Variants in CEP350 observed in about 807,000 individuals in gnomAD.
The protein encoded by CEP350 is centrosome-associated protein 350.
CEP350 carries 126 observed loss-of-function variants against 331.8 expected under a neutral mutation model. That is an observed-to-expected ratio of 0.38 (90% confidence interval 0.33 to 0.44). The LOEUF (loss-of-function observed/expected upper bound fraction) is 0.44, where lower values mean the gene tolerates loss of function less well. CEP350 is among the 20% of genes least tolerant of loss of function. The pLI, the probability that CEP350 is intolerant of heterozygous loss-of-function variation, is 1.00. For missense variants in CEP350, 3,406 were observed against 3,634.6 expected, an observed-to-expected ratio of 0.94 and a Z score of 1.62; for synonymous variants, 1,200 against 1,259.5, an observed-to-expected ratio of 0.95 and a Z score of 1.00.
chr1:180,066,577 A>C (rs974995893), intron 27 of CEP350, among the ~76,000 whole-genome samples: 21 of 152,224 alleles, frequency 1.4e-4, no homozygotes, highest in African/African-American at 5.1e-4. Flanking sequence ...TTCATAACTT[A>C]AAAATACCTA....
Position 180,094,117 on chromosome 1 carries a change from C to G in CEP350, c.8012C>G (p.Ser2671Cys), listed in dbSNP as rs1660346721. 1.9e-6 allele frequency: 3 copies of G among 1,613,730 alleles called. No homozygotes were observed. Among genetic ancestry groups the G allele is most frequent in the African/African-American group, 1.3e-5 (1 of 74,930 alleles). ...TCAAAGGAAAACAAAGACCTCATTTCTGATGCCACAGAAAAGGTTTCCATC... is the reference window on the plus strand; with the variant it reads ...TCAAAGGAAAACAAAGACCTCATTTGTGATGCCACAGAAAAGGTTTCCATC... ...ISSKENKDLI[S>C]DATEKVSIAA... Residue 2671 changes from serine (S) to cysteine (C), a missense_variant, in exon 34 of 38, where the codon TCT (serine) becomes TGT (cysteine). Physicochemically the swap from Ser to Cys is moderately radical, Grantham distance 112. This residue lies in a region of CEP350 where 1,415 missense variants were observed against 1,512.3 expected (regional missense o/e 0.94). Transcript: ENST00000367607.
At chr1:180,058,341 T>C (rs1657983204) in intron 25 of CEP350, among the ~76,000 whole-genome samples, 1 of 152,218 alleles carries the variant, frequency 6.6e-6, no homozygotes, top group African/African-American at 2.4e-5. Flanking sequence ...CACATGTAGC[T>C]AGAAGCTGTC....
intron 37 of CEP350, among the ~76,000 whole-genome samples, chr1:180,102,186 A>G (rs951921964): frequency 7.0e-6 from 1 of 143,682 alleles, no homozygotes; most frequent in Non-Finnish European, 1.5e-5. Flanking sequence ...CCCAGGCTGG[A>G]GTGCAGTGGC....
intron 1 of CEP350, among the ~76,000 whole-genome samples, chr1:179,984,541 G>A (rs572843181): frequency 9.5e-4 from 145 of 152,304 alleles, no homozygotes; most frequent in African/African-American, 3.4e-3. Flanking sequence ...AGAGAGATGA[G>A]AATGCGTTTT....
chr1:180,002,290 A>G (rs1472911902), intron 6 of CEP350, among the ~76,000 whole-genome samples: 1 of 152,174 alleles, frequency 6.6e-6, no homozygotes, highest in Non-Finnish European at 1.5e-5. Flanking sequence ...CCTGGCCAAC[A>G]TGGTGAAACT....
Position 180,094,424 on chromosome 1 carries a change from C to A in CEP350, c.8319C>A (p.Ile2773=), listed in dbSNP as rs758185743. The A allele has an allele frequency of 6.2e-7, 1 of 1,613,524 alleles. No individual in the cohort carries two copies. The highest frequency in any genetic ancestry group is 1.1e-5 in the South Asian group (1 of 91,000). The part of the protein sequence containing the change: ...VKDTVNQLQQ[I]KKTRDEKIQL... ...ACACAGTCAATCAACTACAACAAAT[C>A]AAAAAAACCAGGGATGAGAAAATCC... Residue 2773 remains isoleucine (I), a synonymous_variant, in exon 34 of 38, where the codon ATC becomes ATA. Transcript: ENST00000367607.
At chr1:180,081,385 G>A (rs545297156) in intron 30 of CEP350, among the ~76,000 whole-genome samples, 68 of 152,240 alleles carry the variant, frequency 4.5e-4, no homozygotes, top group African/African-American at 1.6e-3. Flanking sequence ...ATTTCAAAGA[G>A]TAGATGTACC....
chr1:180,035,379 T>G (rs905089513), intron 16 of CEP350, among the ~76,000 whole-genome samples: 9 of 152,196 alleles, frequency 5.9e-5, no homozygotes, highest in African/African-American at 2.2e-4. Context: ...TAACCTTATG[T>G]TGGAAGAAAA....
In CEP350 at chr1:180,096,164, A is replaced by G. The variant is rs148081287; in HGVS notation, c.9046A>G (p.Asn3016Asp). Residue 3016 changes from asparagine to aspartate, a missense_variant, in exon 36 of 38, where the codon AAT becomes GAT. Asn to Asp is a conservative substitution (Grantham distance 23, BLOSUM62 1). This residue lies in a region of CEP350 where 1,415 missense variants were observed against 1,512.3 expected (regional missense o/e 0.94). Coordinates refer to ENST00000367607, the MANE Select transcript of CEP350 (RefSeq NM_014810.5). The part of the protein sequence containing the change: ...SSYFRRVKNP[N>D]NLDEIKSFIA... ...TTATTTCCGACGAGTGAAAAATCCA[A>G]ATAACCTTGATGAAATCAAGGTAAA... The G allele has an allele frequency of 4.5e-5, 71 of 1,567,546 alleles. No homozygotes were observed. Among genetic ancestry groups the G allele is most frequent in the Non-Finnish European group, 5.1e-5 (59 of 1,154,636 alleles).
intron 1 of CEP350, among the ~76,000 whole-genome samples, chr1:179,980,675 G>A (rs990512691): frequency 1.3e-5 from 2 of 151,914 alleles, no homozygotes; most frequent in African/African-American, 4.8e-5. Context: ...ACTTGTACTA[G>A]ATTATGAGAT....
At chr1:180,085,127 C>T (rs1345344841) in intron 31 of CEP350, among the ~76,000 whole-genome samples, 1 of 150,844 alleles carries the variant, frequency 6.6e-6, no homozygotes, top group Non-Finnish European at 1.5e-5. Context: ...CTTTCCCTTC[C>T]CCTTTCCCCT....
rs370566745 is a variant in CEP350, at chr1:180,006,602, G to A, written c.1246+35G>A. Reference sequence around the variant, plus strand: ...CTCAACATGTCCATCCTTTTTTTTTGTTTTTAATTAATGTTTTCATTATAC... The same window carrying A: ...CTCAACATGTCCATCCTTTTTTTTTATTTTTAATTAATGTTTTCATTATAC... On this transcript the variant is annotated intron_variant, in intron 8 of 37. Coordinates refer to ENST00000367607, the MANE Select transcript of CEP350 (RefSeq NM_014810.5). 2.1e-4 allele frequency: 220 copies of A among 1,025,400 alleles called. 1 individual carries two copies. The highest frequency in any genetic ancestry group is 3.0e-4 in the Non-Finnish European group (204 of 680,950). 63.5% of individuals were successfully genotyped at this position (1,025,400 alleles called of 1,614,324 possible). A position where few individuals can be genotyped will look rare whatever the true frequency, so the allele number is the denominator to read the frequency against.
intron 10 of CEP350, 97 bp downstream of exon 10, chr1:180,014,602 C>T (rs1460780407): frequency 9.2e-7 from 1 of 1,083,538 alleles, no homozygotes; most frequent in African/African-American, 1.6e-5. Context: ...CTAGTATGCT[C>T]AGATAATACT....
At chr1:179,998,955 A>AT (rs1258952986) in intron 6 of CEP350, among the ~76,000 whole-genome samples, 3 of 152,050 alleles carry the variant, frequency 2.0e-5, no homozygotes, top group Non-Finnish European at 4.4e-5. Context: ...AATTAATAAT[A>AT]TTTTTTATTA....
rs1364167997 is a variant in CEP350, at chr1:180,080,537, A to G, written c.6000A>G (p.Thr2000=). 4 of 1,613,784 alleles carry G rather than the reference A, an allele frequency of 2.5e-6. No individual in the cohort carries two copies. In the Admixed American group the frequency reaches 6.7e-5, roughly 27 times the overall value. Residue 2000 remains threonine (T), a synonymous_variant, in exon 30 of 38, where the codon ACA becomes ACG. Transcript: ENST00000367607. ...AACAGTCACTTCCCAAAAGCTGCAC[A>G]TCTGTGTCAAAGCAGGAGTCTAGCA... The part of the protein sequence containing the change: ...PSKHSLPKSC[T]SVSKQESSKG...
At chr1:180,079,198 A>G (rs1345423888) in intron 29 of CEP350, among the ~76,000 whole-genome samples, 2 of 149,948 alleles carry the variant, frequency 1.3e-5, no homozygotes, top group Non-Finnish European at 3.0e-5. Flanking sequence ...ACTAGCTGGT[A>G]AAAACTCAAG....
At chr1:180,095,083 A>G (rs1027643599) in intron 34 of CEP350, 15 of 171,462 alleles carry the variant, frequency 8.7e-5, no homozygotes, top group Admixed American at 6.7e-4. Context: ...TGATTCTGGT[A>G]AAATGAAATA....
In CEP350 at chr1:180,042,960, G is replaced by A. The variant is rs146164993; in HGVS notation, c.4363-96G>A. The A allele has an allele frequency of 2.4e-4, 338 of 1,387,080 alleles. No homozygotes were observed. The African/African-American group carries it at 4.4e-3, about 18-fold the overall frequency. 85.9% of individuals were successfully genotyped at this position (1,387,080 alleles called of 1,614,324 possible). On this transcript the variant is annotated intron_variant, in intron 19 of 37. Transcript: ENST00000367607. ...AGTGGCAGAATTTGCTTGTTCTCAA[G>A]TCAGTGATCTTTCTTTCCAAGACAC... is the stretch of plus-strand genomic sequence containing the variant.
At chr1:180,022,406 T>G (rs563960780) in intron 12 of CEP350, among the ~76,000 whole-genome samples, 1 of 152,270 alleles carries the variant, frequency 6.6e-6, no homozygotes, top group South Asian at 2.1e-4. Flanking sequence ...ATGAAGGTAG[T>G]AGGAGGTTTA....
Sources: gnomAD v4.1 joint callset for allele counts (sites outside exome capture counted in the v4.1 genomes callset) on GRCh38, gnomAD v4.1.1 for gene constraint, gnomAD v4.1.1 regional missense constraint, MANE v1.5 for transcripts, NCBI Gene and HGNC (gene_info 2026-07-23, HGNC 2026-07-21) for gene names.